ADAMTS12: variants seen among roughly 807,000 people sequenced by gnomAD.
ADAMTS12 encodes the protein ADAM metallopeptidase with thrombospondin type 1 motif 12.
In ADAMTS12, 118 loss-of-function variants were observed where a neutral mutation model predicts 167.8. The ratio of observed to expected loss-of-function variants is 0.70; its 90% CI spans 0.61 to 0.82. The LOEUF is 0.82. Among genes scored for constraint, ADAMTS12 ranks in the 40% least tolerant of loss-of-function variants. The pLI is 0.00. For missense variants in ADAMTS12, 1,916 were observed against 1,998.8 expected (o/e 0.96, Z 0.79); for synonymous variants, 704 against 716.9 (o/e 0.98, Z 0.29).
At chr5:33,664,144 C>CA (rs1180102172) in intron 5 of ADAMTS12, among the ~76,000 whole-genome samples, 1 of 152,160 alleles carries the variant, frequency 6.6e-6, no homozygotes, top group East Asian at 1.9e-4. Flanking sequence ...CTATTGTAGA[C>CA]ACACACAAGC....
chr5:33,883,312 T>G lies in ADAMTS12; in HGVS notation c.128-1832A>C, dbSNP rs145984925. On this transcript the variant is annotated intron_variant, in intron 1 of 23. Coordinates refer to ENST00000504830, the MANE Select transcript of ADAMTS12 (RefSeq NM_030955.4). Reference sequence around the variant, plus strand: ...ATAAAAGAGTTTTTTTGTTTGTTTGTTTGGTTTTTTTTTTGTTTTTTTTTT... The same window carrying G: ...ATAAAAGAGTTTTTTTGTTTGTTTGGTTGGTTTTTTTTTTGTTTTTTTTTT... Among the ~76,000 whole-genome samples the G allele has an allele frequency of 3.4e-3, 506 of 146,716 alleles. 4 individuals carry two copies. Among genetic ancestry groups the G allele is most frequent in the East Asian group, 0.019 (87 of 4,546 alleles).
intron 18 of ADAMTS12, among the ~76,000 whole-genome samples, chr5:33,585,897 C>T (rs1747322983): frequency 6.6e-6 from 1 of 152,128 alleles, no homozygotes; most frequent in Admixed American, 6.5e-5. Context: ...AGCCCACTCT[C>T]TCCTCACTGC....
chr5:33,685,108 A>C (rs1742276248), intron 3 of ADAMTS12, among the ~76,000 whole-genome samples: 1 of 152,226 alleles, frequency 6.6e-6, no homozygotes, highest in African/African-American at 2.4e-5. Flanking sequence ...TATCAGGATC[A>C]CAGCCACAAA....
At position 33,546,080 on chromosome 5, in the gene ADAMTS12, C is replaced by A; in HGVS notation, c.4425G>T (p.Trp1475Cys). The A allele has an allele frequency of 6.2e-7, 1 of 1,613,260 alleles. No individual in the cohort carries two copies. Among genetic ancestry groups the A allele is most frequent in the Non-Finnish European group, 8.5e-7 (1 of 1,179,790 alleles). ...TTACCAGGTCCCAGTTCCCAGTGGC[C>A]CAGTGACAGCACAGGTGCTCATTGC... is the stretch of plus-strand genomic sequence containing the variant. ...MSCNEHLCCH[W>C]ATGNWDLCST... Residue 1475 changes from tryptophan (W) to cysteine (C), a missense_variant, in exon 22 of 24, where the codon TGG becomes TGT. Physicochemically the swap from Trp to Cys is radical, Grantham distance 215 (BLOSUM62 -2). Coordinates refer to ENST00000504830, the MANE Select transcript of ADAMTS12 (RefSeq NM_030955.4).
intron 13 of ADAMTS12, among the ~76,000 whole-genome samples, chr5:33,628,340 A>G (rs914781808): frequency 6.6e-6 from 1 of 152,030 alleles, no homozygotes; most frequent in Non-Finnish European, 1.5e-5. Context: ...AGCTTATTCT[A>G]TGTCATCCTG....
chr5:33,683,121 A>G lies in ADAMTS12; in HGVS notation c.832-20T>C. The G allele has an allele frequency of 1.3e-6, 2 of 1,566,934 alleles. No individual in the cohort carries two copies. Among genetic ancestry groups the G allele is most frequent in the East Asian group, 4.5e-5 (2 of 44,538 alleles). On this transcript the variant is annotated intron_variant, in intron 4 of 23. Transcript: ENST00000504830. ...AGTGACCTAGGGTCAGAAATAGAAA[A>G]CCATTAGCTCCACACGAAGAGATAA...
chr5:33,891,374 A>T (rs1211206753), intron 1 of ADAMTS12: 4 of 192,232 alleles, frequency 2.1e-5, no homozygotes, highest in East Asian at 1.3e-4. Context: ...CTTAAAAAAA[A>T]AATTTTCCAT....
intron 21 of ADAMTS12, among the ~76,000 whole-genome samples, chr5:33,549,004 G>T (rs1366698348): frequency 6.6e-6 from 1 of 152,128 alleles, no homozygotes; most frequent in East Asian, 1.9e-4. Context: ...ATAACACATT[G>T]TCTCCACCGT....
At chr5:33,564,301 A>G (rs1228712933) in intron 19 of ADAMTS12, among the ~76,000 whole-genome samples, 3 of 152,220 alleles carry the variant, frequency 2.0e-5, no homozygotes. Context: ...ATGAATAGAG[A>G]CACCAAACTG....
chr5:33,697,575 T>TC (rs1742828944), intron 3 of ADAMTS12, among the ~76,000 whole-genome samples: 1 of 50,764 alleles, frequency 2.0e-5, no homozygotes, highest in Non-Finnish European at 4.3e-5. Context: ...TCCCTTTTTC[T>TC]CCTTTTCTTC....
At chr5:33,595,023 C>G (rs1051072191) in intron 17 of ADAMTS12, among the ~76,000 whole-genome samples, 5 of 152,148 alleles carry the variant, frequency 3.3e-5, no homozygotes, top group African/African-American at 1.2e-4. Context: ...AAATACATCC[C>G]TGTTTAAGGT....
intron 22 of ADAMTS12, among the ~76,000 whole-genome samples, chr5:33,537,737 T>G (rs16891300): frequency 0.011 from 1,650 of 152,288 alleles, 32 homozygotes; most frequent in African/African-American, 0.038. Flanking sequence ...TGACTGCCAA[T>G]AGACTGCCAA....
rs1407127076 is a variant in ADAMTS12, at chr5:33,857,435, GAAAATGGT to G, written c.489+23676_489+23683del. On this transcript the variant is annotated intron_variant, in intron 2 of 23. Coordinates refer to ENST00000504830, the MANE Select transcript of ADAMTS12 (RefSeq NM_030955.4). ...GTGCTCTCATCACAAAAAAAAAAAA[GAAAATGGT>G]AAAATGGTAATTAATATGAGGTGAT... 1.5e-3 allele frequency among the ~76,000 whole-genome samples: 218 copies of G among 148,870 alleles called. 2 individuals carry two copies. Among genetic ancestry groups the G allele is most frequent in the African/African-American group, 5.2e-3 (209 of 39,844 alleles).
intron 2 of ADAMTS12, among the ~76,000 whole-genome samples, chr5:33,789,967 C>A (rs567091440): frequency 6.6e-6 from 1 of 152,164 alleles, no homozygotes; most frequent in East Asian, 1.9e-4. Context: ...CCCGAGACTA[C>A]ACTATGAATC....
chr5:33,785,473 T>C (rs567515576), intron 2 of ADAMTS12, among the ~76,000 whole-genome samples: 1 of 152,092 alleles, frequency 6.6e-6, no homozygotes, highest in East Asian at 1.9e-4. Context: ...ACGTGTGTGT[T>C]TGTGTGTGTG....
chr5:33,771,346 C>G (rs1745731580), intron 2 of ADAMTS12, among the ~76,000 whole-genome samples: 2 of 151,988 alleles, frequency 1.3e-5, no homozygotes, highest in Non-Finnish European at 2.9e-5. Flanking sequence ...AAGTTTTTAG[C>G]CTGTATGAAT....
At chr5:33,606,250 G>T (rs903691866) in intron 16 of ADAMTS12, among the ~76,000 whole-genome samples, 4 of 152,134 alleles carry the variant, frequency 2.6e-5, no homozygotes, top group Non-Finnish European at 5.9e-5. Flanking sequence ...GCCCATCCCA[G>T]AGGCTACAAT....
At chr5:33,584,660 C>G (rs1294264444) in intron 18 of ADAMTS12, among the ~76,000 whole-genome samples, 1 of 152,210 alleles carries the variant, frequency 6.6e-6, no homozygotes, top group Admixed American at 6.5e-5. Flanking sequence ...CATGAATTAT[C>G]TTATTCAATT....
At position 33,624,290 on chromosome 5, in the gene ADAMTS12, AG is replaced by A; in HGVS notation, c.2083del (p.Leu695TrpfsTer10). On this transcript the variant is annotated frameshift_variant, in exon 14 of 24. Coordinates refer to ENST00000504830, the MANE Select transcript of ADAMTS12 (RefSeq NM_030955.4). LOFTEE classifies it high-confidence loss of function. ...NATEDRCGVC[L>X]GDGSSCQTVR... ...AGTCTGGCAGGAAGAGCCATCTCCC[AG>A]GCACACACCGCAGCGATCCTCGGTG... 1.2e-6 allele frequency: 2 copies of A among 1,614,056 alleles called. No homozygotes were observed. The highest frequency in any genetic ancestry group is 1.7e-6 in the Non-Finnish European group (2 of 1,179,964).
Sources: gnomAD v4.1 joint callset for allele counts (sites outside exome capture counted in the v4.1 genomes callset) on GRCh38, gnomAD v4.1.1 for gene constraint, MANE v1.5 for transcripts, NCBI Gene and HGNC (gene_info 2026-07-23, HGNC 2026-07-21) for gene names.